Variants in CYP2R1 observed in about 807,000 individuals in gnomAD.
CYP2R1 encodes the protein cytochrome P450 family 2 subfamily R member 1, also known as vitamin D 25-hydroxylase.
A neutral mutation model predicts 45.7 loss-of-function variants in CYP2R1; 40 were observed. That is an observed-to-expected ratio of 0.87 (90% CI 0.68 to 1.14). CYP2R1 has a LOEUF of 1.14. Among genes scored for constraint, CYP2R1 ranks in the 50% most tolerant of loss-of-function variants. The probability of loss-of-function intolerance (pLI) is 0.00; values close to 1 mark genes in which losing one functional copy is unlikely to be tolerated. For synonymous variants in CYP2R1, 234 were observed against 219.3 expected, an observed-to-expected ratio of 1.07 and a Z score of -0.59; for missense variants, 605 against 602.6, an observed-to-expected ratio of 1.00 and a Z score of -0.04.
At chr11:14,879,951 AT>A (rs879960263) in intron 3 of CYP2R1, among the ~76,000 whole-genome samples, 184 bp downstream of exon 3, 34 of 152,010 alleles carry the variant, frequency 2.2e-4, no homozygotes, top group African/African-American at 6.3e-4. Flanking sequence ...TCTTTCAGAG[AT>A]TTTTTTTACA....
chr11:14,878,352 T>C, intron 4 of CYP2R1, 55 bp from the exon 5 acceptor site: 1 of 1,525,638 alleles, frequency 6.6e-7, no homozygotes, highest in Non-Finnish European at 9.1e-7. Context: ...TTTACCAAAA[T>C]TAATGTCTAA....
Position 14,891,988 on chromosome 11 carries a change from T to C in CYP2R1, c.218A>G (p.Tyr73Cys), listed in dbSNP as rs1555017228. Residue 73 changes from tyrosine to cysteine, a missense_variant, in exon 1 of 5, where the codon TAC (tyrosine) becomes TGC (cysteine). By Grantham distance (194) the Tyr-to-Cys change is radical (BLOSUM62 -2). Transcript: ENST00000334636. ...HVYMRKQSQV[Y>C]GEIFSLDLGG... ...GGCCCGTCGGGGCTGTACCTCTCCGTACACCTGGCTCTGCTTTCTCATGTA... is the reference window on the plus strand; with the variant it reads ...GGCCCGTCGGGGCTGTACCTCTCCGCACACCTGGCTCTGCTTTCTCATGTA... The C allele has an allele frequency of 6.2e-7, 1 of 1,613,262 alleles. No homozygotes were observed. The highest frequency in any genetic ancestry group is 2.2e-5 in the East Asian group (1 of 44,840).
At chr11:14,884,283 A>C (rs1848515429) in intron 2 of CYP2R1, among the ~76,000 whole-genome samples, 1 of 151,978 alleles carries the variant, frequency 6.6e-6, no homozygotes, top group Admixed American at 6.5e-5. Context: ...AACCAACCCA[A>C]AGGTCCAAAA....
intron 2 of CYP2R1, among the ~76,000 whole-genome samples, chr11:14,884,008 A>C (rs1347453080): frequency 5.3e-5 from 8 of 152,046 alleles, no homozygotes; most frequent in Non-Finnish European, 1.2e-4. Flanking sequence ...TTAGAATGGC[A>C]ATCATTAAAA....
intron 1 of CYP2R1, chr11:14,890,482 C>T: frequency 2.1e-5 from 20 of 971,370 alleles, no homozygotes; most frequent in Non-Finnish European, 2.4e-5. Flanking sequence ...ATTCGTGAAC[C>T]ATGAAAGGAA....
At chr11:14,883,182 A>T (rs879992358) in intron 2 of CYP2R1, among the ~76,000 whole-genome samples, 56 of 151,978 alleles carry the variant, frequency 3.7e-4, no homozygotes, top group Non-Finnish European at 6.5e-4. Flanking sequence ...GGAAAAAACT[A>T]CTTTAAAGTT....
intron 2 of CYP2R1, among the ~76,000 whole-genome samples, chr11:14,882,280 A>G (rs1848417983): frequency 6.6e-6 from 1 of 152,152 alleles, no homozygotes; most frequent in Non-Finnish European, 1.5e-5. Context: ...CAAATAAATT[A>G]TACAGCACGT....
At chr11:14,881,071 T>C (rs1590216197) in intron 2 of CYP2R1, among the ~76,000 whole-genome samples, 1 of 152,220 alleles carries the variant, frequency 6.6e-6, no homozygotes, top group East Asian at 1.9e-4. Context: ...TATCCAACTT[T>C]TACTATAAGC....
intron 2 of CYP2R1, among the ~76,000 whole-genome samples, chr11:14,883,210 G>A (rs1205770586): frequency 1.3e-5 from 2 of 151,434 alleles, no homozygotes; most frequent in African/African-American, 4.8e-5. Flanking sequence ...AACCAAAAAA[G>A]AGCCTGCATC....
Position 14,879,311 on chromosome 11 carries a change from C to G in CYP2R1, c.1133G>C (p.Gly378Ala). 1.2e-6 allele frequency: 2 copies of G among 1,613,138 alleles called. No homozygotes were observed. The highest frequency in any genetic ancestry group is 4.5e-5 in the East Asian group (2 of 44,854). ...ATCTTCAGAGGTTGCATGGAAAATC[C>G]CTAATGGAACTATATTACAGAATCT... ...VLRFCNIVPL[G>A]IFHATSEDAV... The change falls in exon 4 of 5, where the codon GGG (glycine) becomes GCG (alanine). Residue 378 changes from glycine (G) to alanine (A), a missense_variant. Physicochemically the swap from Gly to Ala is moderately conservative, Grantham distance 60. Transcript: ENST00000334636.
intron 1 of CYP2R1, chr11:14,887,727 T>C (rs1385253446): frequency 1.4e-6 from 1 of 733,468 alleles, no homozygotes; most frequent in Non-Finnish European, 1.7e-6. Context: ...ACTCCATACA[T>C]CCTTCAAGTG....
chr11:14,879,570 G>A (rs1848294954), intron 3 of CYP2R1, 127 bp from the exon 4 acceptor site: 2 of 667,408 alleles, frequency 3.0e-6, no homozygotes, highest in South Asian at 3.5e-5. Flanking sequence ...TCCAGATTCA[G>A]ATTTTTTATT....
At chr11:14,886,249 C>T in intron 1 of CYP2R1, 1 of 242,170 alleles carries the variant, frequency 4.1e-6, no homozygotes, top group Non-Finnish European at 8.1e-6. Flanking sequence ...CCTATCTGGG[C>T]TTCAGTATTG....
At chr11:14,883,917 A>C (rs1219022448) in intron 2 of CYP2R1, among the ~76,000 whole-genome samples, 1 of 152,116 alleles carries the variant, frequency 6.6e-6, no homozygotes, top group Non-Finnish European at 1.5e-5. Flanking sequence ...GCAGCCAAAA[A>C]ACACATGAAA....
rs1555017305 is a variant in CYP2R1, at chr11:14,892,080, C to T, written c.126G>A (p.Gly42=). The T allele has an allele frequency of 1.9e-6, 3 of 1,611,814 alleles. No homozygotes were observed. The Admixed American group carries it at 5.0e-5, about 27-fold the overall frequency. Reference sequence around the variant, plus strand: ...TGCCGATAAATGGCAGCCCCGGCGGCCCCGGGGGGAAGCCCATCGGCCGCC... The same window carrying T: ...TGCCGATAAATGGCAGCCCCGGCGGTCCCGGGGGGAAGCCCATCGGCCGCC... The part of the protein sequence containing the change: ...KQRRPMGFPP[G]PPGLPFIGNI... The change falls in exon 1 of 5, where the codon GGG becomes GGA. Residue 42 remains glycine, a synonymous_variant. Transcript: ENST00000334636.
intron 1 of CYP2R1, chr11:14,891,143 G>A: frequency 4.1e-6 from 4 of 985,398 alleles, no homozygotes; most frequent in Non-Finnish European, 3.6e-6. Context: ...CCGGACGTCG[G>A]GACACCCACA....
chr11:14,881,378 A>T (rs1848380990), intron 2 of CYP2R1, among the ~76,000 whole-genome samples: 1 of 152,144 alleles, frequency 6.6e-6, no homozygotes, highest in Non-Finnish European at 1.5e-5. Flanking sequence ...AAAATTTCAG[A>T]GTCTCCACAA....
intron 2 of CYP2R1, among the ~76,000 whole-genome samples, chr11:14,882,676 T>G (rs12291909): frequency 6.6e-6 from 1 of 152,298 alleles, no homozygotes; most frequent in African/African-American, 2.4e-5. Context: ...TTGGAAGTTC[T>G]GGCCAGGGCA....
upstream of CYP2R1, chr11:14,892,378 G>A (rs559606182): frequency 3.1e-6 from 2 of 652,472 alleles, no homozygotes; most frequent in African/African-American, 1.8e-5. Flanking sequence ...CTAGTTTTGC[G>A]CGGCTGAGAG....
Sources: gnomAD v4.1 joint callset for allele counts (sites outside exome capture counted in the v4.1 genomes callset) on GRCh38, gnomAD v4.1.1 for gene constraint, MANE v1.5 for transcripts, NCBI Gene and HGNC (gene_info 2026-07-23, HGNC 2026-07-21) for gene names.